Variants in ELOVL5 observed in about 807,000 individuals in gnomAD.
The protein encoded by ELOVL5 is ELOVL fatty acid elongase 5.
A neutral mutation model predicts 38.6 loss-of-function variants in ELOVL5; 8 were observed. That is an observed-to-expected ratio of 0.21 (90% CI 0.12 to 0.37). The LOEUF (loss-of-function observed/expected upper bound fraction) is 0.37. Ranked by LOEUF, ELOVL5 falls within the 10% of genes least tolerant of loss-of-function variation. The pLI is 1.00. For missense variants in ELOVL5, 280 were observed against 367.8 expected (o/e 0.76, Z 1.95); for synonymous variants, 127 against 133.7 (o/e 0.95, Z 0.34).
chr6:53,324,928 T>C (rs984309801), intron 1 of ELOVL5, among the ~76,000 whole-genome samples: 3 of 152,140 alleles, frequency 2.0e-5, no homozygotes, highest in Non-Finnish European at 4.4e-5. Flanking sequence ...TAGGGTGATA[T>C]TGCATAAATA....
chr6:53,282,479 G>A (rs1451765843), intron 3 of ELOVL5, among the ~76,000 whole-genome samples: 1 of 152,214 alleles, frequency 6.6e-6, no homozygotes, highest in East Asian at 1.9e-4. Flanking sequence ...AATGAAGGAT[G>A]TTTGAGCTGC....
intron 1 of ELOVL5, among the ~76,000 whole-genome samples, chr6:53,344,557 G>T (rs1184203132): frequency 1.3e-5 from 2 of 152,096 alleles, no homozygotes; most frequent in African/African-American, 4.8e-5. Context: ...GATCTGAGCT[G>T]GAATGCTTTG....
At chr6:53,331,591 C>T (rs535973040) in intron 1 of ELOVL5, among the ~76,000 whole-genome samples, 1 of 152,232 alleles carries the variant, frequency 6.6e-6, no homozygotes, top group East Asian at 1.9e-4. Flanking sequence ...ATGGGACCAC[C>T]ATTATATAGG....
chr6:53,323,576 C>CTTTTTTTTTT (rs3063792), intron 1 of ELOVL5, among the ~76,000 whole-genome samples: 6 of 81,544 alleles, frequency 7.4e-5, no homozygotes, highest in African/African-American at 1.9e-4. Flanking sequence ...TACTAGCCAG[C>CTTTTTTTTTT]TTTTTTTTTT....
At chr6:53,283,162 G>C (rs1766425136) in intron 3 of ELOVL5, among the ~76,000 whole-genome samples, 1 of 152,142 alleles carries the variant, frequency 6.6e-6, no homozygotes, top group Non-Finnish European at 1.5e-5. Flanking sequence ...TATAAACACA[G>C]GTAGGAAAGT....
At chr6:53,273,989 C>T (rs1018824847) in intron 5 of ELOVL5, among the ~76,000 whole-genome samples, 1 of 152,202 alleles carries the variant, frequency 6.6e-6, no homozygotes, top group East Asian at 1.9e-4. Context: ...TCTGGCTTTT[C>T]CCTGTGCAGT....
At chr6:53,311,119 C>T (rs956372798) in intron 1 of ELOVL5, among the ~76,000 whole-genome samples, 1 of 152,136 alleles carries the variant, frequency 6.6e-6, no homozygotes, top group African/African-American at 2.4e-5. Flanking sequence ...GGTGCTCTGG[C>T]AGGAGAGGTA....
intron 1 of ELOVL5, among the ~76,000 whole-genome samples, chr6:53,333,948 GCCTGTCTATTGACCTC>G (rs1768921681): frequency 2.6e-5 from 4 of 152,204 alleles, no homozygotes; most frequent in African/African-American, 9.6e-5. Context: ...ATACCACGTT[GCCTGTCTATTGACCTC>G]CCTGTCTATG....
chr6:53,298,707 G>T (rs868623716), intron 1 of ELOVL5, among the ~76,000 whole-genome samples: 1 of 152,132 alleles, frequency 6.6e-6, no homozygotes, highest in Non-Finnish European at 1.5e-5. Flanking sequence ...GGCTGTCTCT[G>T]CTTCTCGGCA....
intron 1 of ELOVL5, among the ~76,000 whole-genome samples, chr6:53,326,972 C>T (rs1415652695): frequency 5.3e-5 from 8 of 152,212 alleles, no homozygotes; most frequent in African/African-American, 1.9e-4. Flanking sequence ...ACCACTAGTG[C>T]AGCAGACAGT....
intron 1 of ELOVL5, among the ~76,000 whole-genome samples, chr6:53,324,239 C>T (rs144300196): frequency 0.019 from 2,015 of 107,600 alleles, 58 homozygotes; most frequent in African/African-American, 0.071. Flanking sequence ...GGAGACAGAA[C>T]GAGACTCTAC....
intron 1 of ELOVL5, among the ~76,000 whole-genome samples, chr6:53,319,270 C>CAAAAAAAA (rs59435925): frequency 1.1e-4 from 8 of 74,896 alleles, no homozygotes; most frequent in Non-Finnish European, 1.9e-4. Context: ...GACTCCATCT[C>CAAAAAAAA]AAAAAAAAAA....
chr6:53,291,785 C>G lies in ELOVL5; in HGVS notation c.237G>C (p.Met79Ile), dbSNP rs749065998. 2.5e-6 allele frequency: 4 copies of G among 1,611,410 alleles called. No homozygotes were observed. The South Asian group carries it at 4.4e-5, about 18-fold the overall frequency. The change falls in exon 3 of 8, where the codon ATG becomes ATC. Residue 79 changes from methionine (M) to isoleucine (I), a missense_variant. By Grantham distance (10) the Met-to-Ile change is conservative. Coordinates refer to ENST00000304434, the MANE Select transcript of ELOVL5 (RefSeq NM_021814.5). The part of the protein sequence containing the change: ...NLGLTLLSLY[M>I]FCELVTGVWE... ...TTAACCTTTGACTTACCTCACAGAA[C>G]ATATACAGAGACAGCAGTGTGAGTC...
chr6:53,270,668 G>A lies in ELOVL5; in HGVS notation c.681C>T (p.Phe227=), dbSNP rs1336181255. The change falls in exon 7 of 8, where the codon TTC becomes TTT. Residue 227 remains phenylalanine, a synonymous_variant. Coordinates refer to ENST00000304434, the MANE Select transcript of ELOVL5 (RefSeq NM_021814.5). ...TCTGGAAATACAACCAACCAAGAGG[G>A]AATGTGCACGGCCAGATGACCCCGC... ...TSCGVIWPCT[F]PLGWLYFQIG... 6.2e-7 allele frequency: 1 copy of A among 1,614,156 alleles called. No homozygotes were observed. The highest frequency in any genetic ancestry group is 1.7e-5 in the Admixed American group (1 of 60,026).
chr6:53,291,886 C>A lies in ELOVL5; in HGVS notation c.136G>T (p.Val46Leu), dbSNP rs752250666. 3.7e-6 allele frequency: 6 copies of A among 1,612,914 alleles called. No homozygotes were observed. Among genetic ancestry groups the A allele is most frequent in the Admixed American group, 1.7e-5 (1 of 59,962 alleles). The change falls in exon 3 of 8, where the codon GTA becomes TTA. Residue 46 changes from valine to leucine, a missense_variant. This residue lies in a region of ELOVL5 where 150 missense variants were observed against 178.0 expected (regional missense o/e 0.84). Transcript: ENST00000304434. ...FICSVIYLLIVWLGPKYMRNK... is the reference protein window; with the variant it reads ...FICSVIYLLILWLGPKYMRNK... ...CTCATGTATTTTGGTCCCAGCCATA[C>A]AATTAGTAAATATATGACAGAGCAG...
chr6:53,312,743 A>T (rs183972432), intron 1 of ELOVL5, among the ~76,000 whole-genome samples: 51 of 152,328 alleles, frequency 3.3e-4, no homozygotes, highest in Admixed American at 7.8e-4. Flanking sequence ...CAATTTTTTA[A>T]AAAAATCTAC....
chr6:53,285,361 C>T (rs761689937), intron 3 of ELOVL5, among the ~76,000 whole-genome samples: 16 of 152,240 alleles, frequency 1.1e-4, no homozygotes, highest in Non-Finnish European at 1.9e-4. Context: ...CACTAACTCA[C>T]TTCAATTCTG....
chr6:53,276,467 C>G (rs1766131928), intron 3 of ELOVL5, among the ~76,000 whole-genome samples: 2 of 152,196 alleles, frequency 1.3e-5, no homozygotes, highest in African/African-American at 4.8e-5. Flanking sequence ...TTAAAAGTCA[C>G]TCCCAGGCTG....
rs1337100683 is a variant in ELOVL5, at chr6:53,348,899, A to C, written c.-91T>G. 1 of 452,986 alleles carries C rather than the reference A, an allele frequency of 2.2e-6. No individual in the cohort carries two copies. Among genetic ancestry groups the C allele is most frequent in the Non-Finnish European group, 4.4e-6 (1 of 225,448 alleles). 28.1% of individuals were successfully genotyped at this position (452,986 alleles called of 1,614,324 possible). On this transcript the variant is annotated 5_prime_UTR_variant, in exon 1 of 8. Coordinates refer to ENST00000304434, the MANE Select transcript of ELOVL5 (RefSeq NM_021814.5). ...GGAGCGCGGGTGGCAGCCGGCGCAG[A>C]GGCGGATGTAGAAGGAGACACCGGT...
Sources: allele counts gnomAD v4.1 joint callset (sites outside exome capture counted in the v4.1 genomes callset), GRCh38; gene constraint gnomAD v4.1.1; regional missense constraint gnomAD v4.1.1; transcripts MANE v1.5; gene names NCBI Gene and HGNC (gene_info 2026-07-23, HGNC 2026-07-21).